FAT3: variants seen among roughly 807,000 people sequenced by gnomAD.
FAT3 encodes FAT atypical cadherin 3.
A neutral mutation model predicts 310.2 loss-of-function variants in FAT3; 95 were observed. The observed-to-expected ratio is 0.31, with a 90% confidence interval of 0.26 to 0.36. The LOEUF (loss-of-function observed/expected upper bound fraction) is 0.36. Among genes scored for constraint, FAT3 ranks in the 10% least tolerant of loss-of-function variants. The pLI, the probability that FAT3 is intolerant of heterozygous loss-of-function variation, is 1.00. For missense variants in FAT3, 5,408 were observed against 5,715.6 expected (o/e 0.95, Z 1.74); for synonymous variants, 2,314 against 2,192.9 (o/e 1.06, Z -1.54).
chr11:92,228,694 C>T (rs1237598954), intron 1 of FAT3, among the ~76,000 whole-genome samples: 1 of 152,208 alleles, frequency 6.6e-6, no homozygotes, highest in East Asian at 1.9e-4. Context: ...ATATTAATAG[C>T]TCACAAAGCA....
At chr11:92,557,680 C>A (rs1355530557) in intron 3 of FAT3, among the ~76,000 whole-genome samples, 1 of 152,206 alleles carries the variant, frequency 6.6e-6, no homozygotes, top group Non-Finnish European at 1.5e-5. Flanking sequence ...CTGCCCCAGT[C>A]AGACTGTAGG....
intron 3 of FAT3, among the ~76,000 whole-genome samples, chr11:92,581,974 A>C (rs972545389): frequency 6.6e-6 from 1 of 152,062 alleles, no homozygotes; most frequent in Non-Finnish European, 1.5e-5. Flanking sequence ...TCATAGACAG[A>C]GCAGCCCTAA....
chr11:92,699,289 C>G (rs1944027955), intron 4 of FAT3, among the ~76,000 whole-genome samples: 1 of 152,036 alleles, frequency 6.6e-6, no homozygotes, highest in Non-Finnish European at 1.5e-5. Flanking sequence ...TTAAATAGAT[C>G]ATTAGGGTGA....
At chr11:92,742,467 CT>C (rs1355886907) in intron 4 of FAT3, among the ~76,000 whole-genome samples, 2 of 152,184 alleles carry the variant, frequency 1.3e-5, no homozygotes, top group African/African-American at 4.8e-5. Context: ...CACTGTTTAC[CT>C]AGTGCTGTGG....
chr11:92,799,764 A>T lies in FAT3; in HGVS notation c.6751A>T (p.Thr2251Ser), dbSNP rs770815967. The T allele has an allele frequency of 1.2e-6, 2 of 1,612,750 alleles. No homozygotes were observed. Among genetic ancestry groups the T allele is most frequent in the South Asian group, 2.2e-5 (2 of 90,784 alleles). Reference sequence around the variant, plus strand: ...TGTTAGCCCTTTGGATTATGAAGTTACATCTGCTTACAAGCTGACAATAAG... The same window carrying T: ...TGTTAGCCCTTTGGATTATGAAGTTTCATCTGCTTACAAGCTGACAATAAG... Reference protein sequence around the residue: ...KVVSPLDYEVTSAYKLTIRAS... With the variant: ...KVVSPLDYEVSSAYKLTIRAS... Residue 2251 changes from threonine to serine, a missense_variant, in exon 10 of 28, where the codon ACA becomes TCA. Thr to Ser is a moderately conservative substitution (Grantham distance 58). Transcript: ENST00000525166.
Position 92,726,901 on chromosome 11 carries a change from A to C in FAT3, c.3669+29456A>C, listed in dbSNP as rs542889784. On this transcript the variant is annotated intron_variant, in intron 4 of 27. Transcript: ENST00000525166. ...TGGAAAGGAAATAAGAGAACAGGACACTATCACATTTACCTTACAGTTAAA... is the reference window on the plus strand; with the variant it reads ...TGGAAAGGAAATAAGAGAACAGGACCCTATCACATTTACCTTACAGTTAAA... 1.2e-4 allele frequency among the ~76,000 whole-genome samples: 19 copies of C among 152,186 alleles called. 1 individual carries two copies. In the South Asian group the frequency reaches 3.9e-3, roughly 32 times the overall value.
At chr11:92,389,701 A>G (rs1338826862) in intron 2 of FAT3, among the ~76,000 whole-genome samples, 2 of 152,180 alleles carry the variant, frequency 1.3e-5, no homozygotes, top group African/African-American at 4.8e-5. Context: ...GAAGTGAGGA[A>G]AATGGACTTT....
intron 1 of FAT3, among the ~76,000 whole-genome samples, chr11:92,347,513 A>G (rs1478554260): frequency 6.6e-6 from 1 of 152,184 alleles, no homozygotes; most frequent in East Asian, 1.9e-4. Flanking sequence ...TTGGCAGAAA[A>G]CAGCTTTATC....
At position 92,801,015 on chromosome 11, in the gene FAT3, C is replaced by A. The variant is rs781266855; in HGVS notation, c.8002C>A (p.Gln2668Lys). The change falls in exon 10 of 28, where the codon CAG becomes AAG. Residue 2668 changes from glutamine to lysine, a missense_variant. By Grantham distance (53) the Gln-to-Lys change is moderately conservative. Transcript: ENST00000525166. Reference protein sequence around the residue: ...GWMVTKGNFNQLKNTVLSFFV... With the variant: ...GWMVTKGNFNKLKNTVLSFFV... ...GATGGTCACAAAGGGTAATTTTAAC[C>A]AGCTGAAAAATACAGTGCTTTCGTT... 51 of 1,613,444 alleles carry A rather than the reference C, an allele frequency of 3.2e-5. No individual in the cohort carries two copies. Among genetic ancestry groups the A allele is most frequent in the Middle Eastern group, 1.6e-4 (1 of 6,082 alleles).
intron 3 of FAT3, among the ~76,000 whole-genome samples, chr11:92,578,327 G>C (rs1938599323): frequency 6.6e-6 from 1 of 152,102 alleles, no homozygotes; most frequent in Non-Finnish European, 1.5e-5. Context: ...TCAGGGTCTT[G>C]AGGGTGGTTT....
rs970005177 is a variant in FAT3 at position 92,224,982 on chromosome 11, G to A, written c.-210G>A. On this transcript the variant is annotated 5_prime_UTR_variant, in exon 1 of 28. Transcript: ENST00000525166. ...TCCCCTCCTCCGCTTGCGAACCCCCGGCGGCGGCGGCGGCGGCGTCCCGAG... is the reference window on the plus strand; with the variant it reads ...TCCCCTCCTCCGCTTGCGAACCCCCAGCGGCGGCGGCGGCGGCGTCCCGAG... 6.6e-6 allele frequency among the ~76,000 whole-genome samples: 1 copy of A among 151,880 alleles called. No individual in the cohort carries two copies. Among genetic ancestry groups the A allele is most frequent in the Non-Finnish European group, 1.5e-5 (1 of 67,966 alleles).
intron 1 of FAT3, among the ~76,000 whole-genome samples, chr11:92,341,906 G>A (rs1297072350): frequency 1.3e-5 from 2 of 152,090 alleles, no homozygotes; most frequent in Non-Finnish European, 2.9e-5. Flanking sequence ...CATGAAGCCA[G>A]ATATAGCTAA....
intron 3 of FAT3, among the ~76,000 whole-genome samples, chr11:92,593,317 C>T (rs1939533340): frequency 6.6e-6 from 1 of 152,014 alleles, no homozygotes; most frequent in Admixed American, 6.6e-5. Context: ...TGGGCATATA[C>T]CCAGAGTGGA....
intron 1 of FAT3, among the ~76,000 whole-genome samples, chr11:92,273,970 G>A (rs186620639): frequency 2.8e-4 from 42 of 152,154 alleles, no homozygotes; most frequent in East Asian, 2.3e-3. Flanking sequence ...AGTTTAGTGC[G>A]GGGCTTAACA....
In FAT3 at chr11:92,788,016, G is replaced by A. The variant is rs912569597; in HGVS notation, c.4336-1927G>A. 6.6e-5 allele frequency among the ~76,000 whole-genome samples: 10 copies of A among 152,068 alleles called. No individual in the cohort carries two copies. The East Asian group carries it at 7.7e-4, about 12-fold the overall frequency. On this transcript the variant is annotated intron_variant, in intron 7 of 27. Transcript: ENST00000525166. The stretch of plus-strand genomic sequence containing the variant: ...CTGACTCTGTCCATTGAATGAAACC[G>A]AAGCATAATAGCCAATCCAGTAGCA...
At chr11:92,577,891 G>A (rs1938571007) in intron 3 of FAT3, among the ~76,000 whole-genome samples, 2 of 151,938 alleles carry the variant, frequency 1.3e-5, no homozygotes, top group South Asian at 4.2e-4. Context: ...TGGGAAAAAA[G>A]GGAGAGAGAG....
chr11:92,807,212 T>C (rs1947527930), intron 12 of FAT3, among the ~76,000 whole-genome samples: 1 of 152,116 alleles, frequency 6.6e-6, no homozygotes, highest in South Asian at 2.1e-4. Flanking sequence ...CACCTGCACT[T>C]GAGAGAGATG....
At chr11:92,577,038 TC>T (rs1277990512) in intron 3 of FAT3, among the ~76,000 whole-genome samples, 1 of 152,078 alleles carries the variant, frequency 6.6e-6, no homozygotes, top group Non-Finnish European at 1.5e-5. Flanking sequence ...ATTCATTCAT[TC>T]ATTCATTCTT....
intron 4 of FAT3, among the ~76,000 whole-genome samples, chr11:92,713,025 C>A (rs1313516313): frequency 6.6e-6 from 1 of 152,208 alleles, no homozygotes; most frequent in Non-Finnish European, 1.5e-5. Flanking sequence ...AAAGACACTG[C>A]ACACTGCTTA....
Sources: gnomAD v4.1 joint callset for allele counts (sites outside exome capture counted in the v4.1 genomes callset) on GRCh38, gnomAD v4.1.1 for gene constraint, MANE v1.5 for transcripts, NCBI Gene and HGNC (gene_info 2026-07-23, HGNC 2026-07-21) for gene names.